The following TJP1 variants were observed in gnomAD, a reference collection of about 807,000 sequenced individuals.
TJP1 encodes tight junction protein 1.
Under a neutral mutation model 194.2 loss-of-function variants are expected in TJP1, and 43 were observed. The observed-to-expected ratio is 0.22, with a 90% CI of 0.17 to 0.29. The LOEUF (loss-of-function observed/expected upper bound fraction) is 0.29, where lower values mean the gene tolerates loss of function less well. Among genes scored for constraint, TJP1 ranks in the 10% least tolerant of loss-of-function variants. The pLI is 1.00. For missense variants in TJP1, 1,971 were observed against 2,185.7 expected (o/e 0.90, Z 1.96); for synonymous variants, 801 against 779.0 (o/e 1.03, Z -0.47).
Position 29,715,974 on chromosome 15 carries a change from T to C in TJP1, c.4202+637A>G, listed in dbSNP as rs967051224. On this transcript the variant is annotated intron_variant, in intron 23 of 27. Transcript: ENST00000614355. ...CAACTATCAGTACCAAATTCTCTTA[T>C]CAGTCAGGGTTCAACCAGAGACACA... is the stretch of plus-strand genomic sequence containing the variant. 1.6e-4 allele frequency among the ~76,000 whole-genome samples: 25 copies of C among 152,118 alleles called. 1 individual carries two copies. Among genetic ancestry groups the C allele is most frequent in the Admixed American group, 1.6e-3 (25 of 15,280 alleles).
At chr15:29,923,653 GGTA>G (rs2054435969) in intron 2 of TJP1, among the ~76,000 whole-genome samples, 1 of 152,180 alleles carries the variant, frequency 6.6e-6, no homozygotes, top group African/African-American at 2.4e-5. Context: ...TTGGGATGGA[GGTA>G]GTAGGGGGTG....
intron 4 of TJP1, among the ~76,000 whole-genome samples, chr15:29,767,491 T>C (rs993947848): frequency 1.3e-5 from 2 of 152,188 alleles, no homozygotes; most frequent in South Asian, 2.1e-4. Flanking sequence ...CCTGTTGCCA[T>C]ATTTAAATGA....
At chr15:29,726,529 T>A in intron 17 of TJP1, 50 bp from the exon 18 acceptor site, 1 of 1,543,644 alleles carries the variant, frequency 6.5e-7, no homozygotes, top group Non-Finnish European at 8.9e-7. Flanking sequence ...CTGCCAAAAG[T>A]CAGAATTAAT....
intron 2 of TJP1, among the ~76,000 whole-genome samples, chr15:29,862,846 C>T (rs1255191580): frequency 6.7e-6 from 1 of 149,202 alleles, no homozygotes; most frequent in Non-Finnish European, 1.5e-5. Flanking sequence ...GACGGGGTTT[C>T]ACCGTGTTAG....
intron 1 of TJP1, among the ~76,000 whole-genome samples, chr15:29,820,186 A>G (rs1341943664): frequency 2.0e-5 from 3 of 151,056 alleles, no homozygotes; most frequent in African/African-American, 7.3e-5. Flanking sequence ...TCCAAACTGA[A>G]AGGAGGGTGG....
chr15:29,732,957 T>A (rs1418955882), intron 13 of TJP1, 137 bp downstream of exon 13: 2 of 1,256,006 alleles, frequency 1.6e-6, no homozygotes, highest in Non-Finnish European at 2.2e-6. Context: ...GAGGAGTTTG[T>A]AAACCTAAGT....
chr15:29,886,746 A>T (rs1354830266), intron 2 of TJP1, among the ~76,000 whole-genome samples: 1 of 152,110 alleles, frequency 6.6e-6, no homozygotes, highest in Non-Finnish European at 1.5e-5. Flanking sequence ...AATATGTAGG[A>T]CCTATTTAGA....
At chr15:29,799,204 CATT>C (rs1160300904) in intron 2 of TJP1, among the ~76,000 whole-genome samples, 1 of 151,984 alleles carries the variant, frequency 6.6e-6, no homozygotes, top group Admixed American at 6.5e-5. Context: ...AATACCAAAT[CATT>C]GACATCGCCA....
rs374144704 is a variant in TJP1 at position 29,852,742 on chromosome 15, C to T, written c.307-52040G>A. Among the ~76,000 whole-genome samples, 77 of 152,120 alleles carry T rather than the reference C, an allele frequency of 5.1e-4. 1 individual carries two copies. Among genetic ancestry groups the T allele is most frequent in the Middle Eastern group, 3.4e-3 (1 of 294 alleles). On this transcript the variant is annotated intron_variant, in intron 2 of 28. Coordinates refer to the TJP1 transcript ENST00000356107. ...TCAAAATGGAGAAACCCCGTCTCTACTAAAAATACAAAATTAGCCAGGCAT... is the reference window on the plus strand; with the variant it reads ...TCAAAATGGAGAAACCCCGTCTCTATTAAAAATACAAAATTAGCCAGGCAT...
At chr15:29,918,285 G>C (rs1879630324) in intron 2 of TJP1, among the ~76,000 whole-genome samples, 1 of 152,208 alleles carries the variant, frequency 6.6e-6, no homozygotes, top group Admixed American at 6.5e-5. Context: ...TCGCCGCTAT[G>C]AAATTGGGTG....
intron 2 of TJP1, among the ~76,000 whole-genome samples, chr15:29,881,688 A>G (rs557204327): frequency 6.6e-6 from 1 of 152,208 alleles, no homozygotes; most frequent in African/African-American, 2.4e-5. Context: ...CACACATTGG[A>G]TATATATTTT....
chr15:29,949,583 TCCACCTCCACAACCA>T (rs2055518215), intron 2 of TJP1, among the ~76,000 whole-genome samples: 1 of 47,002 alleles, frequency 2.1e-5, no homozygotes, highest in East Asian at 7.6e-4. Flanking sequence ...AACCACCACC[TCCACCTCCACAACCA>T]CCACCTCCAC....
At chr15:29,948,464 T>C (rs570786226) in intron 2 of TJP1, among the ~76,000 whole-genome samples, 8 of 152,198 alleles carry the variant, frequency 5.3e-5, no homozygotes, top group Non-Finnish European at 1.0e-4. Flanking sequence ...ATACATGACA[T>C]TCACCAGGCC....
At chr15:29,905,801 C>T (rs2053788868) in intron 2 of TJP1, among the ~76,000 whole-genome samples, 1 of 152,162 alleles carries the variant, frequency 6.6e-6, no homozygotes, top group African/African-American at 2.4e-5. Flanking sequence ...AACTATCTGA[C>T]ATTCTGGAAA....
chr15:29,718,384 TC>T lies in TJP1; in HGVS notation c.3757del (p.Glu1253LysfsTer7). On this transcript the variant is annotated frameshift_variant, in exon 21 of 28. Coordinates refer to ENST00000614355, the MANE Select transcript of TJP1 (RefSeq NM_001330239.4). LOFTEE classifies it high-confidence loss of function. ...TGGCTTCATTGCTGGATCTTCCTCT[TC>T]TTCGGTTTGAGTTGGGGGTGGAGGC... ...PLPPPPTQTE[E>X]EEDPAMKPQS... The T allele has an allele frequency of 6.2e-7, 1 of 1,614,162 alleles. No homozygotes were observed. Among genetic ancestry groups the T allele is most frequent in the Non-Finnish European group, 8.5e-7 (1 of 1,180,018 alleles).
chr15:29,839,681 G>A (rs931598395), intron 2 of TJP1, among the ~76,000 whole-genome samples: 6 of 152,100 alleles, frequency 3.9e-5, no homozygotes, highest in Non-Finnish European at 4.4e-5. Flanking sequence ...AATATTATAC[G>A]AAAACCGTGA....
intron 2 of TJP1, among the ~76,000 whole-genome samples, chr15:29,948,042 G>A (rs941879144): frequency 6.6e-5 from 10 of 152,124 alleles, no homozygotes; most frequent in East Asian, 3.9e-4. Context: ...CAAGGTGGGC[G>A]GATCACGAGG....
chr15:29,726,604 A>C (rs1259966887), intron 17 of TJP1, 125 bp from the exon 18 acceptor site: 14 of 1,169,216 alleles, frequency 1.2e-5, no homozygotes, highest in Non-Finnish European at 1.7e-5. Flanking sequence ...AAACATTTGA[A>C]ATTTCTATTT....
intron 2 of TJP1, among the ~76,000 whole-genome samples, chr15:29,949,505 A>T (rs56651754): frequency 1.3e-4 from 12 of 90,286 alleles, no homozygotes; most frequent in African/African-American, 2.2e-4. Flanking sequence ...CTCCACAACC[A>T]CCACCTCCAC....
Sources: allele counts gnomAD v4.1 joint callset (sites outside exome capture counted in the v4.1 genomes callset), GRCh38; gene constraint gnomAD v4.1.1; transcripts MANE v1.5; gene names NCBI Gene and HGNC (gene_info 2026-07-23, HGNC 2026-07-21).